RBFOX1: variants seen among roughly 807,000 people sequenced by gnomAD.
The protein encoded by RBFOX1 is RNA binding protein fox-1 homolog 1.
RBFOX1 carries 8 observed loss-of-function variants against 57.7 expected under a neutral mutation model. That is an observed-to-expected ratio of 0.14 (90% CI 0.08 to 0.25). RBFOX1 has a LOEUF of 0.25. Among genes scored for constraint, RBFOX1 ranks in the 10% least tolerant of loss-of-function variants. The probability of loss-of-function intolerance (pLI) is 1.00; values close to 1 mark genes in which losing one functional copy is unlikely to be tolerated. For missense variants in RBFOX1, 611 were observed against 548.5 expected, an observed-to-expected ratio of 1.11 and a Z score of -1.14; for synonymous variants, 326 against 222.4, an observed-to-expected ratio of 1.47 and a Z score of -4.15.
intron 4 of RBFOX1, among the ~76,000 whole-genome samples, chr16:7,157,224 T>C (rs868233772): frequency 8.5e-5 from 13 of 152,204 alleles, no homozygotes; most frequent in African/African-American, 2.9e-4. Flanking sequence ...TGTGTGTGCA[T>C]TGGCTGGCAG....
At chr16:5,834,683 A>ATAGG (rs1290742161) in intron 3 of RBFOX1, among the ~76,000 whole-genome samples, 1,209 of 109,344 alleles carry the variant, frequency 0.011, 19 homozygotes, top group African/African-American at 0.041. Flanking sequence ...ATTGAATGGG[A>ATAGG]TAGGTAGATA....
At chr16:6,270,597 A>G (rs776728409) in intron 1 of RBFOX1, among the ~76,000 whole-genome samples, 19 of 152,216 alleles carry the variant, frequency 1.2e-4, no homozygotes, top group African/African-American at 4.6e-4. Flanking sequence ...AAAGAAATAT[A>G]TAACTCAAAG....
chr16:7,124,962 G>A lies in RBFOX1; in HGVS notation c.27+72864G>A, dbSNP rs75848472. 4.2e-3 allele frequency among the ~76,000 whole-genome samples: 641 copies of A among 152,254 alleles called. 6 individuals are homozygous for A. The highest frequency in any genetic ancestry group is 0.015 in the African/African-American group (613 of 41,540). ...AGTGGTGCCATTAGCTCAATTCACAGGACTGGAAAGTATGTGTCTGCTCAC... is the reference window on the plus strand; with the variant it reads ...AGTGGTGCCATTAGCTCAATTCACAAGACTGGAAAGTATGTGTCTGCTCAC... On this transcript the variant is annotated intron_variant, in intron 4 of 15. Coordinates refer to ENST00000550418, the MANE Select transcript of RBFOX1 (RefSeq NM_018723.4).
chr16:5,352,694 G>C (rs1015595385), intron 1 of RBFOX1, among the ~76,000 whole-genome samples: 1 of 152,182 alleles, frequency 6.6e-6, no homozygotes, highest in Non-Finnish European at 1.5e-5. Flanking sequence ...TGTAATTCCA[G>C]CACTTTGGGA....
At chr16:5,975,254 G>A (rs947209327) in intron 4 of RBFOX1, among the ~76,000 whole-genome samples, 6 of 152,128 alleles carry the variant, frequency 3.9e-5, no homozygotes, top group Admixed American at 1.3e-4. Context: ...TAACTGCATC[G>A]CTATCCTGCA....
At chr16:6,318,162 A>T (rs890638132) in intron 2 of RBFOX1, among the ~76,000 whole-genome samples, 4 of 152,204 alleles carry the variant, frequency 2.6e-5, no homozygotes, top group African/African-American at 9.6e-5. Flanking sequence ...ATGGTGTATT[A>T]GCTGTTAGCT....
intron 4 of RBFOX1, among the ~76,000 whole-genome samples, chr16:5,876,086 A>G (rs556334573): frequency 6.6e-6 from 1 of 151,932 alleles, no homozygotes; most frequent in East Asian, 1.9e-4. Flanking sequence ...CTCGTGATCC[A>G]CCCGCCTTGG....
intron 3 of RBFOX1, among the ~76,000 whole-genome samples, chr16:5,808,278 A>G (rs988962289): frequency 2.0e-4 from 30 of 152,190 alleles, no homozygotes; most frequent in African/African-American, 6.8e-4. Flanking sequence ...ACTGATCTAT[A>G]TCTCTGTATT....
intron 2 of RBFOX1, among the ~76,000 whole-genome samples, chr16:6,544,020 C>T (rs561320849): frequency 6.6e-6 from 1 of 152,164 alleles, no homozygotes; most frequent in African/African-American, 2.4e-5. Flanking sequence ...CTTATGTTTG[C>T]CAAATATTAG....
At chr16:5,331,090 G>A (rs1344790691) in intron 1 of RBFOX1, among the ~76,000 whole-genome samples, 1 of 152,172 alleles carries the variant, frequency 6.6e-6, no homozygotes, top group Non-Finnish European at 1.5e-5. Context: ...GGAGAAAGGG[G>A]AGAGAGGGAG....
At chr16:7,095,478 A>C (rs2061542155) in intron 4 of RBFOX1, among the ~76,000 whole-genome samples, 1 of 152,152 alleles carries the variant, frequency 6.6e-6, no homozygotes, top group East Asian at 1.9e-4. Context: ...CAAAATGAAA[A>C]CATGCTTAAT....
intron 4 of RBFOX1, among the ~76,000 whole-genome samples, chr16:5,963,611 A>G (rs767309232): frequency 3.3e-5 from 5 of 152,236 alleles, no homozygotes; most frequent in African/African-American, 9.6e-5. Flanking sequence ...CCATACATCT[A>G]TAATCAACTG....
chr16:7,361,550 G>A (rs1044450005), intron 4 of RBFOX1, among the ~76,000 whole-genome samples: 4 of 152,172 alleles, frequency 2.6e-5, no homozygotes, highest in East Asian at 3.8e-4. Context: ...GTGGCAGGTG[G>A]CTAAGGAGGA....
At chr16:5,261,416 C>T (rs2062728365) in intron 1 of RBFOX1, among the ~76,000 whole-genome samples, 2 of 151,988 alleles carry the variant, frequency 1.3e-5, no homozygotes, top group East Asian at 1.9e-4. Context: ...TCTCTAAGTT[C>T]TTGAACATGT....
chr16:5,675,399 G>A (rs2050135699), intron 3 of RBFOX1, among the ~76,000 whole-genome samples: 1 of 152,170 alleles, frequency 6.6e-6, no homozygotes, highest in Non-Finnish European at 1.5e-5. Flanking sequence ...CTTGAAAAGA[G>A]AGAAGCATCC....
chr16:5,563,048 C>G (rs1420886461), intron 2 of RBFOX1, among the ~76,000 whole-genome samples: 1 of 152,144 alleles, frequency 6.6e-6, no homozygotes, highest in East Asian at 1.9e-4. Flanking sequence ...CTCCCAGGTT[C>G]AAGTGATTGT....
chr16:6,747,434 G>C (rs541395744), intron 3 of RBFOX1, among the ~76,000 whole-genome samples: 1 of 140,904 alleles, frequency 7.1e-6, no homozygotes, highest in Non-Finnish European at 1.5e-5. Flanking sequence ...CTATCAGTCA[G>C]TCAGTCAGTT....
chr16:5,368,973 A>G lies in RBFOX1; in HGVS notation c.220-98243A>G, dbSNP rs141273935. 7.9e-5 allele frequency among the ~76,000 whole-genome samples: 12 copies of G among 152,280 alleles called. No homozygotes were observed. In the East Asian group the frequency reaches 2.3e-3, roughly 29 times the overall value. On this transcript the variant is annotated intron_variant, in intron 1 of 2. Coordinates refer to the RBFOX1 transcript ENST00000585867. Reference sequence around the variant, plus strand: ...GCTCACGTTCTTGGTATTATTTTCAAAAGCATTGAAGAAATGAAGACCACA... The same window carrying G: ...GCTCACGTTCTTGGTATTATTTTCAGAAGCATTGAAGAAATGAAGACCACA...
At chr16:7,129,301 C>G (rs765332896) in intron 4 of RBFOX1, among the ~76,000 whole-genome samples, 2 of 152,074 alleles carry the variant, frequency 1.3e-5, no homozygotes, top group South Asian at 4.2e-4. Context: ...AGTGTTTCAT[C>G]GGTTTGGTTA....
Sources: gnomAD v4.1 joint callset for allele counts (sites outside exome capture counted in the v4.1 genomes callset) on GRCh38, gnomAD v4.1.1 for gene constraint, MANE v1.5 for transcripts, NCBI Gene and HGNC (gene_info 2026-07-23, HGNC 2026-07-21) for gene names.